The following ATG7 variants were observed in gnomAD, a reference collection of about 807,000 sequenced individuals.
ATG7 encodes the protein autophagy related 7, also known as ubiquitin-like modifier-activating enzyme ATG7.
In ATG7, 70 loss-of-function variants were observed where a neutral mutation model predicts 82.4. That is an observed-to-expected ratio of 0.85 (90% CI 0.70 to 1.04). The LOEUF is 1.04. ATG7 is among the 50% of genes least tolerant of loss of function. The probability of loss-of-function intolerance (pLI) is 0.00; values close to 1 mark genes in which losing one functional copy is unlikely to be tolerated. For synonymous variants in ATG7, 287 were observed against 313.0 expected, an observed-to-expected ratio of 0.92 and a Z score of 0.88; for missense variants, 792 against 864.3, an observed-to-expected ratio of 0.92 and a Z score of 1.05.
intron 19 of ATG7, among the ~76,000 whole-genome samples, chr3:11,405,938 A>C (rs2080287817): frequency 6.6e-6 from 1 of 151,486 alleles, no homozygotes; most frequent in Non-Finnish European, 1.5e-5. Flanking sequence ...CATGTGTAGC[A>C]TTTCTCTTTC....
intron 19 of ATG7, among the ~76,000 whole-genome samples, chr3:11,388,311 A>G (rs2078472206): frequency 6.6e-6 from 1 of 152,072 alleles, no homozygotes; most frequent in Non-Finnish European, 1.5e-5. Flanking sequence ...CAACTGGGTG[A>G]TGGAGGACGG....
chr3:11,568,626 T>A, the ATG7 span: 2 of 1,569,294 alleles, frequency 1.3e-6, no homozygotes, highest in Admixed American at 3.7e-5. The surrounding 1 kb of genome is among the most constrained non-coding windows in gnomAD (Gnocchi z 5.9). Context: ...ATTTTCCTGG[T>A]TCCCGGAGCT....
intron 10 of ATG7, among the ~76,000 whole-genome samples, chr3:11,332,203 T>C (rs1027500630): frequency 3.3e-5 from 5 of 152,024 alleles, no homozygotes; most frequent in Admixed American, 6.6e-5. Context: ...ATACAATGAA[T>C]CTGAGTGAAC....
At chr3:11,318,937 T>A (rs908449269) in intron 9 of ATG7, among the ~76,000 whole-genome samples, 1 of 152,206 alleles carries the variant, frequency 6.6e-6, no homozygotes, top group African/African-American at 2.4e-5. Context: ...GCAGCCTCCT[T>A]CCTAGCACTG....
chr3:11,575,224 G>C, the ATG7 span, among the ~76,000 whole-genome samples: 1 of 152,194 alleles, frequency 6.6e-6, no homozygotes, highest in South Asian at 2.1e-4. Context: ...TGTGGTGCGA[G>C]AGGGAAGGCG....
intron 8 of ATG7, among the ~76,000 whole-genome samples, chr3:11,313,632 C>T (rs376690340): frequency 3.1e-4 from 47 of 152,294 alleles, no homozygotes; most frequent in African/African-American, 7.9e-4. Context: ...GACTGGGTCT[C>T]ACCCCCATTA....
At chr3:11,477,391 G>A in intron 20 of ATG7, 1 of 853,094 alleles carries the variant, frequency 1.2e-6, no homozygotes, top group Non-Finnish European at 1.5e-6. Flanking sequence ...ATGCTAAATG[G>A]ATAGAAGTGT....
intron 20 of ATG7, among the ~76,000 whole-genome samples, chr3:11,504,048 A>G (rs1398121473): frequency 6.6e-6 from 1 of 152,210 alleles, no homozygotes; most frequent in African/African-American, 2.4e-5. Context: ...AAATGTCTCC[A>G]TTGAGAGAGT....
chr3:11,357,476 A>T (rs943698839), intron 14 of ATG7, among the ~76,000 whole-genome samples: 1 of 152,198 alleles, frequency 6.6e-6, no homozygotes, highest in Non-Finnish European at 1.5e-5. Context: ...AAAAATATCT[A>T]CATACTCCTA....
At chr3:11,335,691 G>A (rs892408173) in intron 11 of ATG7, among the ~76,000 whole-genome samples, 5 of 152,122 alleles carry the variant, frequency 3.3e-5, no homozygotes, top group Non-Finnish European at 7.4e-5. Context: ...GCTTGATGAT[G>A]CTGACATTTT....
In ATG7 at chr3:11,405,525, C is replaced by G. The variant is rs1340786153; in HGVS notation, c.1957-21279C>G. ...GTTCTTACTCCACTATTTTTGCTGACATTGCTATGTGTCATCTTGTCATGT... is the reference window on the plus strand; with the variant it reads ...GTTCTTACTCCACTATTTTTGCTGAGATTGCTATGTGTCATCTTGTCATGT... On this transcript the variant is annotated intron_variant, in intron 19 of 20. Transcript: ENST00000693202. 1.3e-5 allele frequency among the ~76,000 whole-genome samples: 2 copies of G among 152,190 alleles called. 1 individual carries two copies. The highest frequency in any genetic ancestry group is 4.1e-4 in the South Asian group (2 of 4,834).
intron 20 of ATG7, among the ~76,000 whole-genome samples, chr3:11,474,078 C>G (rs1284854681): frequency 2.8e-5 from 1 of 36,140 alleles, no homozygotes; most frequent in African/African-American, 6.1e-5. Flanking sequence ...TTCAGACTTA[C>G]CAAGTGTGTA....
chr3:11,433,805 G>T (rs2083129263), intron 20 of ATG7, among the ~76,000 whole-genome samples: 1 of 152,180 alleles, frequency 6.6e-6, no homozygotes, highest in African/African-American at 2.4e-5. Flanking sequence ...TCAAGGTTGT[G>T]CTAAATAGAA....
chr3:11,286,607 T>G (rs1436802255), intron 3 of ATG7, among the ~76,000 whole-genome samples: 1 of 82,506 alleles, frequency 1.2e-5, no homozygotes, highest in Non-Finnish European at 2.4e-5. Context: ...TTTTTTTTTT[T>G]TGAGACAGGG....
At chr3:11,314,497 T>C (rs1949121057) in intron 8 of ATG7, among the ~76,000 whole-genome samples, 1 of 152,164 alleles carries the variant, frequency 6.6e-6, no homozygotes, top group Non-Finnish European at 1.5e-5. Flanking sequence ...AAAAAGGATT[T>C]TGGCTGAGTA....
At chr3:11,546,162 ATTTTTTTTTTTTT>A (rs36042370) in intron 20 of ATG7, among the ~76,000 whole-genome samples, 43 of 68,896 alleles carry the variant, frequency 6.2e-4, no homozygotes, top group Admixed American at 2.9e-3. Context: ...CCAAAACTGG[ATTTTTTTTTTTTT>A]TTTTTTTTTT....
At chr3:11,458,645 A>G (rs1433179834) in intron 20 of ATG7, among the ~76,000 whole-genome samples, 1 of 152,230 alleles carries the variant, frequency 6.6e-6, no homozygotes, top group Non-Finnish European at 1.5e-5. Context: ...GCTGGAACTC[A>G]GTTCCCTCTA....
chr3:11,464,654 G>A (rs939255263), intron 20 of ATG7, among the ~76,000 whole-genome samples: 84 of 152,172 alleles, frequency 5.5e-4, no homozygotes, highest in African/African-American at 1.9e-3. Context: ...TCCCCCAAAC[G>A]AAAGACAAAT....
At chr3:11,491,657 A>T (rs960080843) in intron 20 of ATG7, among the ~76,000 whole-genome samples, 5 of 152,068 alleles carry the variant, frequency 3.3e-5, no homozygotes, top group African/African-American at 1.2e-4. Context: ...TTTGGTGTGG[A>T]TGTCCTTTCT....
Sources: allele counts gnomAD v4.1 joint callset (sites outside exome capture counted in the v4.1 genomes callset), GRCh38; gene constraint gnomAD v4.1.1; non-coding constraint Gnocchi (gnomAD v3.1); transcripts MANE v1.5; gene names NCBI Gene and HGNC (gene_info 2026-07-23, HGNC 2026-07-21).